The following LHFPL3 variants were observed in gnomAD, a reference collection of about 807,000 sequenced individuals.
LHFPL3 encodes the protein LHFPL tetraspan subfamily member 3.
A neutral mutation model predicts 19.3 loss-of-function variants in LHFPL3; 5 were observed. The ratio of observed to expected loss-of-function variants is 0.26; its 90% CI spans 0.14 to 0.54. The LOEUF is 0.54. Ranked by LOEUF, LHFPL3 falls within the 20% of genes least tolerant of loss-of-function variation. The pLI is 0.94. For missense variants in LHFPL3, 249 were observed against 307.4 expected, an observed-to-expected ratio of 0.81 and a Z score of 1.42; for synonymous variants, 133 against 126.2, an observed-to-expected ratio of 1.05 and a Z score of -0.36.
At chr7:104,837,888 A>G (rs571733203) in intron 2 of LHFPL3, among the ~76,000 whole-genome samples, 3 of 152,358 alleles carry the variant, frequency 2.0e-5, no homozygotes, top group African/African-American at 4.8e-5. Context: ...TAGACGTTCA[A>G]TAAGTGATTC....
intron 1 of LHFPL3, among the ~76,000 whole-genome samples, chr7:104,367,885 G>A (rs1374388116): frequency 1.3e-5 from 2 of 152,216 alleles, no homozygotes; most frequent in Non-Finnish European, 2.9e-5. Flanking sequence ...CTCTGTAATG[G>A]TTCATTTCCT....
At chr7:104,674,631 T>C (rs1175086932) in intron 1 of LHFPL3, among the ~76,000 whole-genome samples, 1 of 152,110 alleles carries the variant, frequency 6.6e-6, no homozygotes, top group Non-Finnish European at 1.5e-5. Context: ...CCTCCCAAAG[T>C]GCTGGGATTA....
chr7:104,366,250 G>A lies in LHFPL3; in HGVS notation c.445+37026G>A, dbSNP rs567101634. 9.8e-5 allele frequency among the ~76,000 whole-genome samples: 15 copies of A among 152,296 alleles called. No homozygotes were observed. In the South Asian group the frequency reaches 2.7e-3, roughly 27 times the overall value. ...TGAGGCCCTAAAGATACTAAGACCT[G>A]TGAGTGATTGAAATGGAGCAGGAAT... On this transcript the variant is annotated intron_variant, in intron 1 of 2. Transcript: ENST00000424859.
At chr7:104,537,308 C>T (rs1404147392) in intron 1 of LHFPL3, among the ~76,000 whole-genome samples, 2 of 152,172 alleles carry the variant, frequency 1.3e-5, no homozygotes, top group Admixed American at 6.5e-5. Flanking sequence ...CACATTTCCT[C>T]CCCCTTCTGA....
chr7:104,505,350 C>T (rs1167602592), intron 1 of LHFPL3, among the ~76,000 whole-genome samples: 1 of 152,196 alleles, frequency 6.6e-6, no homozygotes. Context: ...GAAAAGCTTT[C>T]ACATTGCTGA....
chr7:104,569,370 T>G (rs905571868), intron 1 of LHFPL3, among the ~76,000 whole-genome samples: 2 of 152,210 alleles, frequency 1.3e-5, no homozygotes, highest in Non-Finnish European at 2.9e-5. Flanking sequence ...AATGAATGAA[T>G]GACATTTGAC....
At chr7:104,419,530 GGGTGACTA>G (rs1791686594) in intron 1 of LHFPL3, among the ~76,000 whole-genome samples, 1 of 152,168 alleles carries the variant, frequency 6.6e-6, no homozygotes, top group East Asian at 1.9e-4. Context: ...TTTCAGATCT[GGGTGACTA>G]GAGGATTCTG....
At chr7:104,746,491 G>C (rs1321203769) in intron 2 of LHFPL3, among the ~76,000 whole-genome samples, 1 of 151,972 alleles carries the variant, frequency 6.6e-6, no homozygotes, top group African/African-American at 2.4e-5. Flanking sequence ...GCAGAGAGAG[G>C]AAATGAAATC....
At chr7:104,440,234 TA>T (rs1359825992) in intron 1 of LHFPL3, among the ~76,000 whole-genome samples, 1 of 151,582 alleles carries the variant, frequency 6.6e-6, no homozygotes, top group Non-Finnish European at 1.5e-5. Context: ...TCTGCAGCCA[TA>T]AAAAAGGATG....
At chr7:104,568,380 G>A (rs1790162919) in intron 1 of LHFPL3, among the ~76,000 whole-genome samples, 1 of 152,204 alleles carries the variant, frequency 6.6e-6, no homozygotes, top group Admixed American at 6.5e-5. Context: ...ACCAAGTCCT[G>A]TTCTTCCTGA....
At chr7:104,414,051 C>G (rs902613252) in intron 1 of LHFPL3, among the ~76,000 whole-genome samples, 2 of 151,720 alleles carry the variant, frequency 1.3e-5, no homozygotes, top group Non-Finnish European at 2.9e-5. Flanking sequence ...ATGTTAATCC[C>G]TTTATCCCTT....
At chr7:104,596,307 G>T (rs543712539) in intron 1 of LHFPL3, among the ~76,000 whole-genome samples, 17 of 152,322 alleles carry the variant, frequency 1.1e-4, no homozygotes, top group African/African-American at 3.6e-4. Flanking sequence ...TGATCTCCAA[G>T]TTGAGTCCAA....
chr7:104,605,289 A>G (rs1407654920), intron 1 of LHFPL3, among the ~76,000 whole-genome samples: 1 of 152,206 alleles, frequency 6.6e-6, no homozygotes, highest in Admixed American at 6.5e-5. Flanking sequence ...GACTTTCCAA[A>G]GAATTACCTT....
intron 2 of LHFPL3, among the ~76,000 whole-genome samples, chr7:104,780,841 T>TACC (rs1382013024): frequency 6.6e-6 from 1 of 152,226 alleles, no homozygotes; most frequent in Non-Finnish European, 1.5e-5. Context: ...TGCAGTTACT[T>TACC]ACCACCTCTG....
chr7:104,574,319 G>T lies in LHFPL3; in HGVS notation c.446-162356G>T, dbSNP rs549433037. ...CTGCATTCACTTAAGTTCTACGAAGGGGGCAGGGACAGGGACAAGAACAAG... is the reference window on the plus strand; with the variant it reads ...CTGCATTCACTTAAGTTCTACGAAGTGGGCAGGGACAGGGACAAGAACAAG... On this transcript the variant is annotated intron_variant, in intron 1 of 2. Transcript: ENST00000424859. 3.9e-5 allele frequency among the ~76,000 whole-genome samples: 6 copies of T among 152,270 alleles called. No individual in the cohort carries two copies. In the East Asian group the frequency reaches 9.6e-4, roughly 24 times the overall value.
intron 1 of LHFPL3, among the ~76,000 whole-genome samples, chr7:104,601,539 G>C (rs1397492454): frequency 1.3e-5 from 2 of 152,148 alleles, no homozygotes. Context: ...AGGGGAGAGG[G>C]GTTGCTAGAT....
At chr7:104,792,601 C>T (rs538863517) in intron 2 of LHFPL3, among the ~76,000 whole-genome samples, 2 of 152,268 alleles carry the variant, frequency 1.3e-5, no homozygotes, top group African/African-American at 4.8e-5. Flanking sequence ...TGTTCCTGTA[C>T]CTTGTTTTTG....
chr7:104,715,434 CTA>C (rs1380599091), intron 1 of LHFPL3, among the ~76,000 whole-genome samples: 1 of 152,150 alleles, frequency 6.6e-6, no homozygotes, highest in Non-Finnish European at 1.5e-5. Context: ...CTGTCAAGTA[CTA>C]TGTTAAATAG....
chr7:104,574,314 C>T (rs150092834), intron 1 of LHFPL3, among the ~76,000 whole-genome samples: 177 of 152,240 alleles, frequency 1.2e-3, no homozygotes, highest in African/African-American at 3.8e-3. Context: ...TTAAGTTCTA[C>T]GAAGGGGGCA....
Sources: allele counts gnomAD v4.1 joint callset (sites outside exome capture counted in the v4.1 genomes callset), GRCh38; gene constraint gnomAD v4.1.1; transcripts MANE v1.5; gene names NCBI Gene and HGNC (gene_info 2026-07-23, HGNC 2026-07-21).